The following SCRN3 variants were observed in gnomAD, a reference collection of about 807,000 sequenced individuals.
SCRN3 encodes secernin 3, also known as secernin-3.
SCRN3 carries 39 observed loss-of-function variants against 43.1 expected under a neutral mutation model. That is an observed-to-expected ratio of 0.91 (90% CI 0.70 to 1.18). The LOEUF (loss-of-function observed/expected upper bound fraction) is 1.18, where lower values mean the gene tolerates loss of function less well. SCRN3 is among the 50% of genes most tolerant of loss of function. The pLI, the probability that SCRN3 is intolerant of heterozygous loss-of-function variation, is 0.00. For missense variants in SCRN3, 484 were observed against 498.0 expected (o/e 0.97, Z 0.27); for synonymous variants, 147 against 163.1 (o/e 0.90, Z 0.75).
chr2:174,415,155 G>T (rs1418239465), intron 5 of SCRN3, among the ~76,000 whole-genome samples: 1 of 152,110 alleles, frequency 6.6e-6, no homozygotes, highest in Non-Finnish European at 1.5e-5. Context: ...GAAGGTTTTT[G>T]AAACACATTG....
chr2:174,423,776 CCTTT>C (rs1214518974), intron 6 of SCRN3, among the ~76,000 whole-genome samples: 1 of 125,374 alleles, frequency 8.0e-6, no homozygotes, highest in African/African-American at 3.4e-5. Flanking sequence ...GCCAAGTCTT[CCTTT>C]TTTTTTTTTT....
At chr2:174,421,991 T>C (rs899733381) in intron 5 of SCRN3, among the ~76,000 whole-genome samples, 2 of 151,756 alleles carry the variant, frequency 1.3e-5, no homozygotes, top group Non-Finnish European at 2.9e-5. Context: ...AGAACTGGAG[T>C]AATAAATAAT....
rs1474575690 is a variant in SCRN3, at chr2:174,428,495, A to G, written c.*600A>G. On this transcript the variant is annotated 3_prime_UTR_variant, in exon 8 of 8. Coordinates refer to ENST00000272732, the MANE Select transcript of SCRN3 (RefSeq NM_024583.5). ...AGTGAGCTTGTAGCTCTGATTATCT[A>G]GCATTTTTAGGGTCATTCTCCTTAA... 1 of 152,582 alleles carries G rather than the reference A, an allele frequency of 6.6e-6. No individual in the cohort carries two copies. Among genetic ancestry groups the G allele is most frequent in the Non-Finnish European group, 1.5e-5 (1 of 68,022 alleles). The allele number at this position is 152,582 out of a possible 1,614,324, so 9.5% of individuals were successfully genotyped here.
At chr2:174,415,594 A>G (rs1686076943) in intron 5 of SCRN3, among the ~76,000 whole-genome samples, 1 of 152,158 alleles carries the variant, frequency 6.6e-6, no homozygotes, top group Non-Finnish European at 1.5e-5. Flanking sequence ...CATGCTACTA[A>G]TAAAAATGTG....
rs769349365 is a variant in SCRN3 at position 174,401,120 on chromosome 2, A to C, written c.472A>C (p.Ile158Leu). 40 of 1,613,876 alleles carry C rather than the reference A, an allele frequency of 2.5e-5. 1 individual carries two copies. The South Asian group carries it at 3.7e-4, about 15-fold the overall frequency. The change falls in exon 4 of 8, where the codon ATA becomes CTA. Residue 158 changes from isoleucine to leucine, a missense_variant. Coordinates refer to ENST00000272732, the MANE Select transcript of SCRN3 (RefSeq NM_024583.5). ...MVFSYHNSFL[I>L]ADRNEAWILE... ...ATTTAGCTATCACAACAGTTTCCTG[A>C]TAGCTGATAGGAATGAAGCCTGGAT...
chr2:174,410,202 G>C (rs1304154444), intron 5 of SCRN3: 4 of 150,246 alleles, frequency 2.7e-5, no homozygotes, highest in Non-Finnish European at 5.9e-5. Context: ...GCAATATTCG[G>C]GTGGGAGTGA....
At chr2:174,419,484 A>G (rs1467324721) in intron 5 of SCRN3, among the ~76,000 whole-genome samples, 1 of 152,158 alleles carries the variant, frequency 6.6e-6, no homozygotes, top group Non-Finnish European at 1.5e-5. Context: ...GGCTTAAACA[A>G]TCCTCCTGCC....
At chr2:174,421,446 G>A (rs1018762324) in intron 5 of SCRN3, among the ~76,000 whole-genome samples, 6 of 152,178 alleles carry the variant, frequency 3.9e-5, no homozygotes, top group African/African-American at 1.4e-4. Flanking sequence ...AAAGTCTATT[G>A]TGCATGGATT....
At position 174,429,183 on chromosome 2, in the gene SCRN3, ACTC is replaced by A. The variant is rs1660205032; in HGVS notation, c.*1292_*1294del. ...TGATAGGCTGTCTTCTAACCCCTAT[ACTC>A]CTCTTCTCTCCTTTAATAGATGAGG... On this transcript the variant is annotated 3_prime_UTR_variant, in exon 8 of 8. Transcript: ENST00000272732. 1 of 151,802 alleles carries A rather than the reference ACTC, an allele frequency of 6.6e-6. No individual in the cohort carries two copies. Among genetic ancestry groups the A allele is most frequent in the African/African-American group, 2.4e-5 (1 of 41,294 alleles). The allele number at this position is 151,802 out of a possible 1,614,324, so 9.4% of individuals were successfully genotyped here.
chr2:174,422,346 G>C (rs1686320315), intron 5 of SCRN3, among the ~76,000 whole-genome samples: 1 of 152,170 alleles, frequency 6.6e-6, no homozygotes, highest in South Asian at 2.1e-4. Flanking sequence ...GCCGAGCTGG[G>C]GAGGATCACC....
intron 5 of SCRN3, among the ~76,000 whole-genome samples, chr2:174,419,289 GT>G (rs906935749): frequency 1.3e-5 from 2 of 152,098 alleles, no homozygotes; most frequent in African/African-American, 4.8e-5. Context: ...TTAAATGAAA[GT>G]TTTTTTGTTT....
At chr2:174,395,990 GTGCT>G (rs896805890) in intron 1 of SCRN3, 173 bp downstream of exon 1, 29 of 1,374,152 alleles carry the variant, frequency 2.1e-5, no homozygotes, top group Non-Finnish European at 2.6e-5. Flanking sequence ...TCGACCAAAG[GTGCT>G]TGAAGCTCGA....
In SCRN3 at chr2:174,428,031, T is replaced by C. The variant is rs766397634; in HGVS notation, c.*136T>C. On this transcript the variant is annotated 3_prime_UTR_variant, in exon 8 of 8. Coordinates refer to ENST00000272732, the MANE Select transcript of SCRN3 (RefSeq NM_024583.5). ...TTATTCTTGGATAGTATTCAAGTGGTATCTTGACTATTAAACTACGTATAG... is the reference window on the plus strand; with the variant it reads ...TTATTCTTGGATAGTATTCAAGTGGCATCTTGACTATTAAACTACGTATAG... 1.9e-6 allele frequency: 1 copy of C among 523,570 alleles called. No homozygotes were observed. The highest frequency in any genetic ancestry group is 3.4e-6 in the Non-Finnish European group (1 of 297,060). 32.4% of individuals were successfully genotyped at this position (523,570 alleles called of 1,614,324 possible).
In SCRN3 at chr2:174,396,655, G is replaced by A. The variant is rs544586633; in HGVS notation, c.-10+838G>A. On this transcript the variant is annotated intron_variant, in intron 1 of 7. Transcript: ENST00000272732. The stretch of plus-strand genomic sequence containing the variant: ...CTACTAAAAACACGAAAAATTAGCC[G>A]GGTGTGGTGGCACGCGCCTGTAATC... Among the ~76,000 whole-genome samples the A allele has an allele frequency of 3.3e-5, 5 of 152,198 alleles. No individual in the cohort carries two copies. In the East Asian group the frequency reaches 9.7e-4, roughly 29 times the overall value.
chr2:174,423,057 C>G lies in SCRN3; in HGVS notation c.917+10C>G. On this transcript the variant is annotated intron_variant, in intron 6 of 7. Coordinates refer to ENST00000272732, the MANE Select transcript of SCRN3 (RefSeq NM_024583.5). The stretch of plus-strand genomic sequence containing the variant: ...CTCCTGATCCTGAGAGGTGAAGCCA[C>G]AAAATACTATAAACCAGCAAGGGGT... 1.2e-6 allele frequency: 2 copies of G among 1,607,728 alleles called. No individual in the cohort carries two copies. The highest frequency in any genetic ancestry group is 1.7e-6 in the Non-Finnish European group (2 of 1,176,062).
chr2:174,417,520 A>G (rs1686156828), intron 5 of SCRN3, among the ~76,000 whole-genome samples: 1 of 152,028 alleles, frequency 6.6e-6, no homozygotes, highest in Non-Finnish European at 1.5e-5. Flanking sequence ...CAGCCTCCCA[A>G]GTAGCTGGGA....
chr2:174,430,030 C>T (rs909168747), downstream of SCRN3, among the ~76,000 whole-genome samples: 1 of 152,182 alleles, frequency 6.6e-6, no homozygotes, highest in South Asian at 2.1e-4. Context: ...TTGGTTGCTT[C>T]CAAGTTTTGA....
chr2:174,409,770 C>T (rs12987922), intron 5 of SCRN3, among the ~76,000 whole-genome samples: 5,555 of 117,670 alleles, frequency 0.047, 273 homozygotes, highest in Middle Eastern at 0.17. Context: ...TTAGGCTGCT[C>T]GGGGGTCAGG....
Position 174,424,465 on chromosome 2 carries a change from T to C in SCRN3, c.918-10T>C, listed in dbSNP as rs571083541. 1 of 1,559,822 alleles carries C rather than the reference T, an allele frequency of 6.4e-7. No individual in the cohort carries two copies. The highest frequency in any genetic ancestry group is 2.2e-5 in the East Asian group (1 of 44,466). The stretch of plus-strand genomic sequence containing the variant: ...TGACATGATAATTTAATAAAGACTC[T>C]TTTTTCTAGATCTGTTTTTAAGCCT... On this transcript the variant is annotated splice_polypyrimidine_tract_variant and intron_variant, in intron 6 of 7. Transcript: ENST00000272732.
Sources: gnomAD v4.1 joint callset for allele counts (sites outside exome capture counted in the v4.1 genomes callset) on GRCh38, gnomAD v4.1.1 for gene constraint, MANE v1.5 for transcripts, NCBI Gene and HGNC (gene_info 2026-07-23, HGNC 2026-07-21) for gene names.